Variants in HS6ST2 observed in about 807,000 individuals in gnomAD.
HS6ST2 encodes heparan-sulfate 6-O-sulfotransferase 2.
HS6ST2 carries 17 observed loss-of-function variants against 33.0 expected under a neutral mutation model. That is an observed-to-expected ratio of 0.52 (90% CI 0.35 to 0.77). The LOEUF (loss-of-function observed/expected upper bound fraction) is 0.77. Among genes scored for constraint, HS6ST2 ranks in the 30% least tolerant of loss-of-function variants. The pLI, the probability that HS6ST2 is intolerant of heterozygous loss-of-function variation, is 0.01. For missense variants in HS6ST2, 519 were observed against 551.7 expected (o/e 0.94, Z 0.59); for synonymous variants, 248 against 237.1 (o/e 1.05, Z -0.42).
chrX:132,799,745 T>C (rs976299993), intron 2 of HS6ST2, among the ~76,000 whole-genome samples: 3 of 111,138 alleles, frequency 2.7e-5, no homozygotes, highest in Admixed American at 1.9e-4. Flanking sequence ...GCAGTATGTA[T>C]GTCATGATAA....
rs2063490821 is a variant in HS6ST2, at chrX:132,628,033, T to C, written c.*190A>G. The C allele has an allele frequency of 6.1e-6, 2 of 328,063 alleles. No homozygotes were observed. Among genetic ancestry groups the C allele is most frequent in the East Asian group, 4.4e-5 (1 of 22,627 alleles). The allele number at this position is 328,063 out of a possible 1,213,427, so 27.0% of individuals were successfully genotyped here. On this transcript the variant is annotated 3_prime_UTR_variant, in exon 5 of 5. Transcript: ENST00000370833. ...CCCAAAAAGACAATTTAATTCCATA[T>C]TGAGATTTGTTTTACCTACACACAG...
At position 132,794,574 on chromosome X, in the gene HS6ST2, G is replaced by GATGATTATTATT. The variant is rs916088563; in HGVS notation, c.948-86081_948-86080insAATAATAATCAT. 1.7e-3 allele frequency among the ~76,000 whole-genome samples: 165 copies of GATGATTATTATT among 99,066 alleles called. 1 individual carries two copies. Among genetic ancestry groups the GATGATTATTATT allele is most frequent in the African/African-American group, 6.0e-3 (153 of 25,414 alleles). The allele number at this position is 99,066 out of a possible 115,157, so 86.0% of individuals were successfully genotyped here. A position where few individuals can be genotyped will look rare whatever the true frequency, so the allele number is the denominator to read the frequency against. ...ACTCCTGGATGATGATGATGATGAT[G>GATGATTATTATT]ATTATTATTATTATTATTATTATTA... is the stretch of plus-strand genomic sequence containing the variant. On this transcript the variant is annotated intron_variant, in intron 2 of 4. Transcript: ENST00000370833.
At chrX:132,688,037 C>A (rs1021052962) in intron 3 of HS6ST2, among the ~76,000 whole-genome samples, 3 of 112,706 alleles carry the variant, frequency 2.7e-5, no homozygotes, top group Non-Finnish European at 3.7e-5. Context: ...GCGTGAGCCA[C>A]CATGCCCAGC....
At chrX:132,645,107 G>C (rs2063630456) in intron 4 of HS6ST2, among the ~76,000 whole-genome samples, 1 of 111,477 alleles carries the variant, frequency 9.0e-6, no homozygotes, top group Non-Finnish European at 1.9e-5. Context: ...CTCTCTCTCT[G>C]GGCTTAGTCT....
At chrX:132,874,352 C>T (rs770616399) in intron 2 of HS6ST2, among the ~76,000 whole-genome samples, 5 of 112,075 alleles carry the variant, frequency 4.5e-5, no homozygotes, top group East Asian at 2.8e-4. Context: ...CTGAGGCAGG[C>T]GGATCACGAG....
At chrX:132,684,654 T>G (rs1319007946) in intron 3 of HS6ST2, among the ~76,000 whole-genome samples, 1 of 111,132 alleles carries the variant, frequency 9.0e-6, no homozygotes, top group Non-Finnish European at 1.9e-5. Context: ...GGGCTTTCCT[T>G]GGCAGCCCCT....
At position 132,833,777 on chromosome X, in the gene HS6ST2, A is replaced by T. The variant is rs765652725; in HGVS notation, c.947+123031T>A. Among the ~76,000 whole-genome samples, 85 of 106,465 alleles carry T rather than the reference A, an allele frequency of 8.0e-4. 1 individual carries two copies. Among genetic ancestry groups the T allele is most frequent in the Middle Eastern group, 9.6e-3 (2 of 209 alleles). 92.5% of individuals were successfully genotyped at this position (106,465 alleles called of 115,157 possible). Reference sequence around the variant, plus strand: ...CGGCCAGATCTTTTTTTTTTTTTTTAAATTATTATACTTTAAGTTTTAGGG... The same window carrying T: ...CGGCCAGATCTTTTTTTTTTTTTTTTAATTATTATACTTTAAGTTTTAGGG... On this transcript the variant is annotated intron_variant, in intron 2 of 4. Coordinates refer to ENST00000370833, the MANE Select transcript of HS6ST2 (RefSeq NM_001394073.1).
At chrX:132,900,329 G>A (rs1236774188) in intron 2 of HS6ST2, among the ~76,000 whole-genome samples, 1 of 111,561 alleles carries the variant, frequency 9.0e-6, no homozygotes, top group Admixed American at 9.6e-5. Context: ...GCTACAAAAA[G>A]GAATGAAGAA....
At chrX:132,946,111 T>A (rs1032413068) in intron 2 of HS6ST2, among the ~76,000 whole-genome samples, 1 of 111,656 alleles carries the variant, frequency 9.0e-6, no homozygotes, top group Non-Finnish European at 1.9e-5. Flanking sequence ...TCATTAAAAT[T>A]TCAGGAAACA....
intron 2 of HS6ST2, among the ~76,000 whole-genome samples, chrX:132,925,113 T>C (rs888838214): frequency 5.4e-5 from 6 of 111,201 alleles, no homozygotes; most frequent in African/African-American, 2.0e-4. Context: ...ACTGAATTAT[T>C]ACCAATGACA....
intron 2 of HS6ST2, among the ~76,000 whole-genome samples, chrX:132,940,561 A>T (rs764139397): frequency 1.8e-4 from 20 of 111,864 alleles, no homozygotes; most frequent in African/African-American, 4.2e-4. Context: ...GAATATGTTT[A>T]AAAAAAACCA....
At chrX:132,857,208 G>T (rs775954907) in intron 2 of HS6ST2, among the ~76,000 whole-genome samples, 8 of 112,274 alleles carry the variant, frequency 7.1e-5, no homozygotes, top group Non-Finnish European at 1.3e-4. Context: ...ATCCTCGGCC[G>T]GGCGCGGTGG....
intron 2 of HS6ST2, among the ~76,000 whole-genome samples, chrX:132,808,278 C>A (rs1005318358): frequency 6.2e-5 from 7 of 112,160 alleles, no homozygotes; most frequent in Non-Finnish European, 1.1e-4. Context: ...AATTAACATG[C>A]CTTTCTTCCT....
chrX:132,907,330 A>T (rs1189745362), intron 2 of HS6ST2: 1 of 122,204 alleles, frequency 8.2e-6, no homozygotes, highest in Admixed American at 8.1e-5. Context: ...CCAAACCAAG[A>T]TATGGAAATT....
intron 2 of HS6ST2, among the ~76,000 whole-genome samples, chrX:132,899,799 C>T (rs2066411517): frequency 9.0e-6 from 1 of 111,723 alleles, no homozygotes; most frequent in South Asian, 3.7e-4. Context: ...CATAGCAAAT[C>T]ATTATCTAAG....
At chrX:132,824,005 T>C (rs778230636) in intron 2 of HS6ST2, among the ~76,000 whole-genome samples, 2 of 110,587 alleles carry the variant, frequency 1.8e-5, no homozygotes, top group African/African-American at 3.3e-5. Context: ...CACTCATTAG[T>C]TGATGGAGAA....
intron 2 of HS6ST2, among the ~76,000 whole-genome samples, chrX:132,772,601 G>C (rs1168638898): frequency 2.0e-5 from 2 of 100,338 alleles, no homozygotes; most frequent in Non-Finnish European, 3.9e-5. Context: ...TAATGATATT[G>C]TACACAATAT....
intron 2 of HS6ST2, among the ~76,000 whole-genome samples, chrX:132,947,604 T>G (rs1346658711): frequency 2.7e-5 from 3 of 112,084 alleles, no homozygotes; most frequent in Non-Finnish European, 5.6e-5. Context: ...TTCTGGCTAG[T>G]GTTTGCATAG....
chrX:132,810,816 A>G (rs1412092974), intron 2 of HS6ST2, among the ~76,000 whole-genome samples: 4 of 112,427 alleles, frequency 3.6e-5, no homozygotes, highest in Non-Finnish European at 7.5e-5. Context: ...GATTAAAGTC[A>G]TCCCAACTGA....
Sources: gnomAD v4.1 joint callset for allele counts (sites outside exome capture counted in the v4.1 genomes callset) on GRCh38, gnomAD v4.1.1 for gene constraint, MANE v1.5 for transcripts, NCBI Gene and HGNC (gene_info 2026-07-23, HGNC 2026-07-21) for gene names.